The following PELO variants were observed in gnomAD, a reference collection of about 807,000 sequenced individuals.
PELO encodes the protein pelota mRNA surveillance and ribosome rescue factor.
PELO carries 19 observed loss-of-function variants against 25.9 expected under a neutral mutation model. That is an observed-to-expected ratio of 0.73 (90% CI 0.51 to 1.08). The LOEUF (loss-of-function observed/expected upper bound fraction) is 1.08, where lower values mean the gene tolerates loss of function less well. PELO is among the 50% of genes least tolerant of loss of function. The pLI is 0.00. For missense variants in PELO, 498 were observed against 491.4 expected, an observed-to-expected ratio of 1.01 and a Z score of -0.13; for synonymous variants, 196 against 192.2, an observed-to-expected ratio of 1.02 and a Z score of -0.16.
intron 1 of PELO, among the ~76,000 whole-genome samples, chr5:52,791,889 T>C (rs1370556388): frequency 5.9e-5 from 9 of 152,206 alleles, no homozygotes; most frequent in Non-Finnish European, 1.3e-4. Flanking sequence ...ATGACAAATC[T>C]ACTCAATTCA....
chr5:52,790,039 C>T (rs1368597933), intron 1 of PELO, among the ~76,000 whole-genome samples: 2 of 152,162 alleles, frequency 1.3e-5, no homozygotes, highest in Non-Finnish European at 2.9e-5. Flanking sequence ...GGACTGCTTT[C>T]CCATCAGTCA....
chr5:52,792,070 T>C (rs1748253238), intron 1 of PELO, among the ~76,000 whole-genome samples: 1 of 152,254 alleles, frequency 6.6e-6, no homozygotes, highest in South Asian at 2.1e-4. Context: ...ATTTCCATGA[T>C]TTTTAGGTGT....
At position 52,799,913 on chromosome 5, in the gene PELO, T is replaced by C. The variant is rs370826774; in HGVS notation, c.-482T>C. 5.9e-5 allele frequency: 10 copies of C among 168,536 alleles called. No individual in the cohort carries two copies. The East Asian group carries it at 7.3e-4, about 12-fold the overall frequency. The allele number at this position is 168,536 out of a possible 1,614,324, so 10.4% of individuals were successfully genotyped here. A position where few individuals can be genotyped will look rare whatever the true frequency, so the allele number is the denominator to read the frequency against. ...GGGATGGAAGAGAAAACTTAGGAAGTTGAAGTTTGGCATTAAAATAAAGGA... is the reference window on the plus strand; with the variant it reads ...GGGATGGAAGAGAAAACTTAGGAAGCTGAAGTTTGGCATTAAAATAAAGGA... On this transcript the variant is annotated 5_prime_UTR_variant, in exon 2 of 3. Transcript: ENST00000274311.
Position 52,800,789 on chromosome 5 carries a change from C to G in PELO, c.395C>G (p.Ala132Gly), listed in dbSNP as rs368443275. ...LERIEQACDP[A>G]WSADVAAVVM... ...CGCATCGAGCAGGCCTGTGACCCAG[C>G]CTGGAGCGCTGATGTGGCGGCTGTG... Residue 132 changes from alanine to glycine, a missense_variant, in exon 2 of 3, where the codon GCC (alanine) becomes GGC (glycine). Ala to Gly is a moderately conservative substitution (Grantham distance 60, BLOSUM62 0). Coordinates refer to ENST00000274311, the MANE Select transcript of PELO (RefSeq NM_015946.5). The G allele has an allele frequency of 1.1e-5, 18 of 1,613,266 alleles. No homozygotes were observed. Among genetic ancestry groups the G allele is most frequent in the Non-Finnish European group, 1.4e-5 (17 of 1,179,504 alleles).
chr5:52,789,219 G>A (rs927877981), intron 1 of PELO, among the ~76,000 whole-genome samples: 1 of 152,066 alleles, frequency 6.6e-6, no homozygotes, highest in African/African-American at 2.4e-5. Context: ...TTACTGATTG[G>A]GGTGGGGGAA....
At chr5:52,798,542 AGAT>A (rs1748391011) in intron 1 of PELO, among the ~76,000 whole-genome samples, 1 of 152,200 alleles carries the variant, frequency 6.6e-6, no homozygotes. Context: ...CTTTCTGGGA[AGAT>A]GATTTTGAGG....
Position 52,788,012 on chromosome 5 carries a change from C to T in PELO, c.-913C>T. 3.6e-6 allele frequency: 1 copy of T among 280,094 alleles called. No individual in the cohort carries two copies. Among genetic ancestry groups the T allele is most frequent in the Non-Finnish European group, 6.7e-6 (1 of 150,034 alleles). 17.4% of individuals were successfully genotyped at this position (280,094 alleles called of 1,614,324 possible). On this transcript the variant is annotated 5_prime_UTR_variant, in exon 1 of 3. Coordinates refer to ENST00000274311, the MANE Select transcript of PELO (RefSeq NM_015946.5). ...CCCTTTAAGGTTTGCTTCTACAGCC[C>T]GTGGACTTTAGCCTAAACACGGACC...
At chr5:52,793,212 C>T (rs1329982275) in intron 1 of PELO, among the ~76,000 whole-genome samples, 2 of 152,034 alleles carry the variant, frequency 1.3e-5, no homozygotes, top group Non-Finnish European at 2.9e-5. Context: ...TTGCTGTATG[C>T]TCTGTGAGGG....
intron 1 of PELO, among the ~76,000 whole-genome samples, chr5:52,788,849 T>G (rs914949680): frequency 6.7e-6 from 1 of 150,232 alleles, no homozygotes; most frequent in Non-Finnish European, 1.5e-5. Flanking sequence ...TGGACATTAT[T>G]GAATTTTCTT....
chr5:52,794,245 T>C (rs1346823108), intron 1 of PELO, among the ~76,000 whole-genome samples: 2 of 151,814 alleles, frequency 1.3e-5, no homozygotes, highest in East Asian at 1.9e-4. Context: ...TAAATTTAAA[T>C]ATAGCACCTA....
chr5:52,800,940 G>C lies in PELO; in HGVS notation c.546G>C (p.Leu182Phe), dbSNP rs1456916355. The C allele has an allele frequency of 6.2e-7, 1 of 1,614,092 alleles. No individual in the cohort carries two copies. The highest frequency in any genetic ancestry group is 1.3e-5 in the African/African-American group (1 of 74,922). Residue 182 changes from leucine (L) to phenylalanine (F), a missense_variant, in exon 2 of 3, where the codon TTG becomes TTC. Physicochemically the swap from Leu to Phe is conservative, Grantham distance 22. Transcript: ENST00000274311. The stretch of plus-strand genomic sequence containing the variant: ...ATTGCTCTCAGCATGACCGGGCCTT[G>C]GAGCGGTTCTATGAACAGGTGGTCC... ...KGNCSQHDRA[L>F]ERFYEQVVQA...
chr5:52,798,679 A>C (rs1410121999), intron 1 of PELO, among the ~76,000 whole-genome samples: 1 of 152,170 alleles, frequency 6.6e-6, no homozygotes, highest in Non-Finnish European at 1.5e-5. Context: ...CTGCATTTTT[A>C]CGTAAGATAA....
chr5:52,794,316 C>A (rs540970832), intron 1 of PELO, among the ~76,000 whole-genome samples: 8 of 151,894 alleles, frequency 5.3e-5, no homozygotes, highest in African/African-American at 1.4e-4. Flanking sequence ...ATCATATATC[C>A]TTACTACAAA....
intron 1 of PELO, among the ~76,000 whole-genome samples, chr5:52,796,702 C>A (rs1454356031): frequency 6.6e-6 from 1 of 151,926 alleles, no homozygotes; most frequent in Admixed American, 6.6e-5. Context: ...TATATGAGTG[C>A]CTACTATGTG....
intron 1 of PELO, among the ~76,000 whole-genome samples, chr5:52,796,225 G>C (rs1445344389): frequency 6.6e-6 from 1 of 151,818 alleles, no homozygotes; most frequent in Non-Finnish European, 1.5e-5. Context: ...TACAATCCAG[G>C]ATGCTTGACT....
chr5:52,793,383 TTCTG>T (rs1748279421), intron 1 of PELO, among the ~76,000 whole-genome samples: 1 of 152,056 alleles, frequency 6.6e-6, no homozygotes, highest in African/African-American at 2.4e-5. Flanking sequence ...CCTGAAATAT[TTCTG>T]TCTATCCAAA....
chr5:52,798,079 C>T (rs753838213), intron 1 of PELO, among the ~76,000 whole-genome samples: 3 of 152,174 alleles, frequency 2.0e-5, no homozygotes, highest in African/African-American at 4.8e-5. Context: ...TTCACCCTAC[C>T]AATTAGGAAT....
At chr5:52,796,851 G>A (rs1748352275) in intron 1 of PELO, among the ~76,000 whole-genome samples, 1 of 152,088 alleles carries the variant, frequency 6.6e-6, no homozygotes, top group Non-Finnish European at 1.5e-5. Context: ...GGACTTTAAA[G>A]ATAGGCAGCA....
Position 52,800,546 on chromosome 5 carries a change from C to T in PELO, c.152C>T (p.Ser51Phe). 1 of 1,613,898 alleles carries T rather than the reference C, an allele frequency of 6.2e-7. No homozygotes were observed. The highest frequency in any genetic ancestry group is 8.5e-7 in the Non-Finnish European group (1 of 1,179,898). Residue 51 changes from serine to phenylalanine, a missense_variant, in exon 2 of 3, where the codon TCC becomes TTC. Coordinates refer to ENST00000274311, the MANE Select transcript of PELO (RefSeq NM_015946.5). ...ASTIRKVQTE[S>F]STGSVGSNRV... ...ACCATCCGCAAGGTACAGACAGAGT[C>T]CTCCACGGGCAGCGTGGGCAGCAAC...
Sources: allele counts gnomAD v4.1 joint callset (sites outside exome capture counted in the v4.1 genomes callset), GRCh38; gene constraint gnomAD v4.1.1; transcripts MANE v1.5; gene names NCBI Gene and HGNC (gene_info 2026-07-23, HGNC 2026-07-21).